Variants in ASTN1 observed in about 807,000 individuals in gnomAD.
ASTN1 encodes the protein astrotactin-1.
ASTN1 carries 41 observed loss-of-function variants against 140.7 expected under a neutral mutation model. That is an observed-to-expected ratio of 0.29 (90% confidence interval 0.23 to 0.38). ASTN1 has a LOEUF of 0.38. Ranked by LOEUF, ASTN1 falls within the 10% of genes least tolerant of loss-of-function variation. The pLI is 1.00. For synonymous variants in ASTN1, 640 were observed against 652.2 expected (o/e 0.98, Z 0.29); for missense variants, 1,479 against 1,678.8 (o/e 0.88, Z 2.08).
intron 1 of ASTN1, among the ~76,000 whole-genome samples, chr1:177,142,021 C>A (rs188471545): frequency 1.3e-5 from 2 of 152,094 alleles, no homozygotes; most frequent in African/African-American, 4.8e-5. Flanking sequence ...ACTGGATGCC[C>A]TTCATGCATC....
intron 2 of ASTN1, among the ~76,000 whole-genome samples, chr1:177,053,582 A>G (rs192153283): frequency 6.6e-6 from 1 of 152,228 alleles, no homozygotes; most frequent in Non-Finnish European, 1.5e-5. Flanking sequence ...GAAGCCTGAA[A>G]ACAGTGTTAA....
At chr1:177,025,939 T>G (rs565935696) in intron 5 of ASTN1, among the ~76,000 whole-genome samples, 135 of 152,236 alleles carry the variant, frequency 8.9e-4, no homozygotes, top group African/African-American at 3.1e-3. Context: ...CTGGAGAGCA[T>G]GCCTAGTCCC....
intron 1 of ASTN1, among the ~76,000 whole-genome samples, chr1:177,085,181 G>A (rs1043449920): frequency 3.9e-5 from 6 of 152,126 alleles, no homozygotes; most frequent in East Asian, 1.9e-4. Context: ...CATTTGTTCC[G>A]AATTCAGCTC....
intron 1 of ASTN1, among the ~76,000 whole-genome samples, chr1:177,072,995 G>A (rs558993030): frequency 1.3e-5 from 2 of 152,232 alleles, no homozygotes; most frequent in African/African-American, 2.4e-5. Flanking sequence ...GTAAGAGCAC[G>A]TCCCAAAGGA....
At chr1:176,897,431 C>T (rs1571475666) in intron 16 of ASTN1, among the ~76,000 whole-genome samples, 1 of 152,134 alleles carries the variant, frequency 6.6e-6, no homozygotes, top group African/African-American at 2.4e-5. Context: ...TTGGCTCTTA[C>T]CCACCTTCTA....
intron 1 of ASTN1, among the ~76,000 whole-genome samples, chr1:177,081,785 A>G (rs6425406): frequency 0.36 from 54,747 of 152,014 alleles, 11,503 homozygotes; most frequent in Non-Finnish European, 0.49. Flanking sequence ...GATGAAGGGG[A>G]CTGAAAGACA....
intron 21 of ASTN1, among the ~76,000 whole-genome samples, chr1:176,870,706 A>G (rs977513987): frequency 1.3e-5 from 2 of 152,262 alleles, no homozygotes. Context: ...ATTTAGCTGC[A>G]TTGCAAATAA....
chr1:177,031,337 C>T (rs1676434134), intron 3 of ASTN1, among the ~76,000 whole-genome samples: 1 of 152,152 alleles, frequency 6.6e-6, no homozygotes, highest in Non-Finnish European at 1.5e-5. Flanking sequence ...AGAACATGCC[C>T]CTTCTCTTTC....
At chr1:177,085,816 C>A (rs1205131368) in intron 1 of ASTN1, among the ~76,000 whole-genome samples, 1 of 152,114 alleles carries the variant, frequency 6.6e-6, no homozygotes, top group Non-Finnish European at 1.5e-5. Context: ...TTGTCTTCGC[C>A]AGGTTCGTAC....
chr1:176,897,728 A>G (rs1344244020), intron 16 of ASTN1, among the ~76,000 whole-genome samples: 2 of 152,230 alleles, frequency 1.3e-5, no homozygotes, highest in South Asian at 4.1e-4. Context: ...TTTACCCGAC[A>G]GAGAAAAATA....
At chr1:177,030,603 C>A (rs1676378966) in intron 4 of ASTN1, among the ~76,000 whole-genome samples, 1 of 152,198 alleles carries the variant, frequency 6.6e-6, no homozygotes, top group African/African-American at 2.4e-5. Flanking sequence ...TAAGAATAGA[C>A]TCTTGTTGGT....
intron 20 of ASTN1, among the ~76,000 whole-genome samples, chr1:176,880,274 G>A (rs1169805056): frequency 6.6e-6 from 1 of 152,136 alleles, no homozygotes; most frequent in Non-Finnish European, 1.5e-5. Context: ...TGATGTGAGT[G>A]GAGGACTCGT....
chr1:176,894,698 C>A lies in ASTN1; in HGVS notation c.2804G>T (p.Ser935Ile). ...GCAGGACGAGGGGCATCGTCCCTTG[C>A]TGTGGCACTCCATGCGGACTCCAGC... is the stretch of plus-strand genomic sequence containing the variant. ...MAAGVRMECH[S>I]KGRCPSSCPL... is the part of the protein sequence containing the mutation. The change falls in exon 17 of 23, where the codon AGC becomes ATC. Residue 935 changes from serine (S) to isoleucine (I), a missense_variant. This residue lies in a region of ASTN1 where 746 missense variants were observed against 800.9 expected (regional missense o/e 0.93). Coordinates refer to ENST00000361833, the MANE Select transcript of ASTN1 (RefSeq NM_004319.3). 2 of 1,614,140 alleles carry A rather than the reference C, an allele frequency of 1.2e-6. No individual in the cohort carries two copies. Among genetic ancestry groups the A allele is most frequent in the Non-Finnish European group, 1.7e-6 (2 of 1,180,028 alleles).
intron 8 of ASTN1, among the ~76,000 whole-genome samples, chr1:176,969,238 C>T (rs879856616): frequency 1.3e-5 from 2 of 152,156 alleles, no homozygotes; most frequent in Non-Finnish European, 2.9e-5. Flanking sequence ...TAAGCAGGGT[C>T]TAAAGGCCCT....
chr1:177,068,624 T>C (rs73047047), intron 1 of ASTN1, among the ~76,000 whole-genome samples: 2 of 152,076 alleles, frequency 1.3e-5, no homozygotes, highest in Non-Finnish European at 2.9e-5. Flanking sequence ...GGACTAGATT[T>C]CTCTAGGAAT....
At chr1:177,002,750 TTAA>T (rs960017096) in intron 8 of ASTN1, among the ~76,000 whole-genome samples, 1 of 152,170 alleles carries the variant, frequency 6.6e-6, no homozygotes, top group African/African-American at 2.4e-5. Flanking sequence ...AGAATAAACC[TTAA>T]TATTATTTTT....
intron 1 of ASTN1, among the ~76,000 whole-genome samples, chr1:177,115,281 C>A (rs1263977254): frequency 6.6e-6 from 1 of 152,060 alleles, no homozygotes; most frequent in Non-Finnish European, 1.5e-5. Context: ...CAAACTCAGA[C>A]CCTATTCAGA....
chr1:176,990,134 G>A (rs1383340716), intron 8 of ASTN1, among the ~76,000 whole-genome samples: 1 of 148,166 alleles, frequency 6.7e-6, no homozygotes, highest in East Asian at 2.0e-4. Flanking sequence ...AGGATGGGAG[G>A]GAACATGAGA....
intron 16 of ASTN1, among the ~76,000 whole-genome samples, chr1:176,906,349 G>A (rs1479797138): frequency 1.3e-5 from 2 of 152,062 alleles, no homozygotes; most frequent in Non-Finnish European, 1.5e-5. Flanking sequence ...GATGAGAAGA[G>A]TTTACTGAGC....
Sources: allele counts gnomAD v4.1 joint callset (sites outside exome capture counted in the v4.1 genomes callset), GRCh38; gene constraint gnomAD v4.1.1; regional missense constraint gnomAD v4.1.1; transcripts MANE v1.5; gene names NCBI Gene and HGNC (gene_info 2026-07-23, HGNC 2026-07-21).